CYTH3: variants seen among roughly 807,000 people sequenced by gnomAD.
The protein encoded by CYTH3 is cytohesin 3.
In CYTH3, 23 loss-of-function variants were observed where a neutral mutation model predicts 55.1. That is an observed-to-expected ratio of 0.42 (90% CI 0.30 to 0.59). The LOEUF (loss-of-function observed/expected upper bound fraction) is 0.59, where lower values mean the gene tolerates loss of function less well. Among genes scored for constraint, CYTH3 ranks in the 20% least tolerant of loss-of-function variants. CYTH3 has a pLI of 0.20. For synonymous variants in CYTH3, 249 were observed against 194.9 expected (o/e 1.28, Z -2.31); for missense variants, 413 against 524.8 (o/e 0.79, Z 2.08).
chr7:6,179,664 C>CTA (rs1783432236), intron 4 of CYTH3, among the ~76,000 whole-genome samples: 1 of 100,718 alleles, frequency 9.9e-6, no homozygotes, highest in Non-Finnish European at 2.0e-5. Flanking sequence ...CCACACACAC[C>CTA]CCACACACAC....
chr7:6,264,779 T>C (rs976815866), intron 1 of CYTH3, among the ~76,000 whole-genome samples: 3 of 152,242 alleles, frequency 2.0e-5, no homozygotes, highest in Non-Finnish European at 4.4e-5. Flanking sequence ...AAGGCTACTA[T>C]GTACCAAGCA....
At chr7:6,228,187 C>T (rs1307914715) in intron 1 of CYTH3, among the ~76,000 whole-genome samples, 1 of 152,218 alleles carries the variant, frequency 6.6e-6, no homozygotes, top group African/African-American at 2.4e-5. Flanking sequence ...GCCATTTCTG[C>T]TCACCTTTTT....
chr7:6,253,710 G>T (rs961201320), intron 1 of CYTH3, among the ~76,000 whole-genome samples: 1 of 152,120 alleles, frequency 6.6e-6, no homozygotes, highest in South Asian at 2.1e-4. Flanking sequence ...CAGCTACTGG[G>T]GAGGTTGAGG....
chr7:6,165,964 G>A (rs1782988982), intron 9 of CYTH3, among the ~76,000 whole-genome samples, 154 bp from the exon 10 acceptor site: 1 of 152,180 alleles, frequency 6.6e-6, no homozygotes, highest in African/African-American at 2.4e-5. Flanking sequence ...TCCCACCGCA[G>A]GGCCCCACAT....
intron 2 of CYTH3, among the ~76,000 whole-genome samples, chr7:6,188,009 G>C (rs2189996): frequency 0.2 from 30,705 of 151,164 alleles, 4,935 homozygotes; most frequent in African/African-American, 0.43. Context: ...AAGCACACTG[G>C]GGGGGGAATA....
At chr7:6,190,638 T>G in intron 1 of CYTH3, 107 bp from the exon 2 acceptor site, 4 of 848,072 alleles carry the variant, frequency 4.7e-6, no homozygotes, top group Non-Finnish European at 7.0e-6. Flanking sequence ...ACGCAGGTAT[T>G]TATCCTAAAG....
intron 1 of CYTH3, among the ~76,000 whole-genome samples, chr7:6,212,929 C>T (rs1238107509): frequency 6.6e-6 from 1 of 152,232 alleles, no homozygotes; most frequent in African/African-American, 2.4e-5. Context: ...CACCATTTTA[C>T]GTTCCCACCA....
At chr7:6,239,643 C>A (rs1377094518) in intron 1 of CYTH3, among the ~76,000 whole-genome samples, 1 of 152,002 alleles carries the variant, frequency 6.6e-6, no homozygotes, top group African/African-American at 2.4e-5. Context: ...AAAAACGTTT[C>A]TAAAAACAGT....
chr7:6,177,950 C>T lies in CYTH3; in HGVS notation c.250-9G>A, dbSNP rs1402363647. On this transcript the variant is annotated splice_polypyrimidine_tract_variant and intron_variant, in intron 4 of 12. Coordinates refer to ENST00000350796, the MANE Select transcript of CYTH3 (RefSeq NM_004227.4). Reference sequence around the variant, plus strand: ...ATTAGAAACTGAATTCCCTGAAGAACATTAAAATGGAAGCACTGGTTAGGA... The same window carrying T: ...ATTAGAAACTGAATTCCCTGAAGAATATTAAAATGGAAGCACTGGTTAGGA... 2.5e-6 allele frequency: 4 copies of T among 1,598,428 alleles called. No homozygotes were observed. Among genetic ancestry groups the T allele is most frequent in the South Asian group, 2.2e-5 (2 of 90,724 alleles).
intron 4 of CYTH3, among the ~76,000 whole-genome samples, chr7:6,185,663 G>A (rs968274217): frequency 2.7e-5 from 4 of 150,092 alleles, no homozygotes; most frequent in African/African-American, 5.0e-5. Flanking sequence ...TCGCACCACT[G>A]CACTCCAGCC....
intron 6 of CYTH3, chr7:6,172,023 C>G (rs1032071922): frequency 5.9e-5 from 9 of 153,120 alleles, no homozygotes; most frequent in African/African-American, 2.2e-4. Context: ...AGGAGTGAGC[C>G]CCGGAGGCAG....
At chr7:6,186,733 C>G (rs961884446) in intron 4 of CYTH3, among the ~76,000 whole-genome samples, 10 of 152,158 alleles carry the variant, frequency 6.6e-5, no homozygotes, top group Admixed American at 2.6e-4. Flanking sequence ...CGAATATGAG[C>G]CTCGACAGCA....
At chr7:6,256,457 G>C (rs1020344669) in intron 1 of CYTH3, among the ~76,000 whole-genome samples, 2 of 152,194 alleles carry the variant, frequency 1.3e-5, no homozygotes, top group Non-Finnish European at 2.9e-5. Context: ...TTTTAGCGCA[G>C]AACTTAACAA....
At chr7:6,267,030 C>T (rs778215600) in intron 1 of CYTH3, among the ~76,000 whole-genome samples, 3 of 152,188 alleles carry the variant, frequency 2.0e-5, no homozygotes, top group Non-Finnish European at 4.4e-5. Flanking sequence ...GCTGCCCTTG[C>T]AATAGTGAGT....
chr7:6,272,299 G>C (rs1276260808), intron 1 of CYTH3, among the ~76,000 whole-genome samples, 175 bp downstream of exon 1: 1 of 150,600 alleles, frequency 6.6e-6, no homozygotes, highest in Non-Finnish European at 1.5e-5. Flanking sequence ...TCGGCCCCCG[G>C]AGACCCAGCC....
intron 2 of CYTH3, 62 bp downstream of exon 2, chr7:6,190,386 AC>A: frequency 9.5e-7 from 1 of 1,053,692 alleles, no homozygotes; most frequent in Non-Finnish European, 1.2e-6. Context: ...CTACTCTTTT[AC>A]TATTTTACTC....
chr7:6,240,610 G>A (rs145530801), intron 1 of CYTH3, among the ~76,000 whole-genome samples: 85 of 152,308 alleles, frequency 5.6e-4, no homozygotes, highest in African/African-American at 1.9e-3. Context: ...AATAACTGGT[G>A]TTGGGACAAT....
In CYTH3 at chr7:6,164,085, T is replaced by C. The variant is rs1415000429; in HGVS notation, c.*859A>G. On this transcript the variant is annotated 3_prime_UTR_variant, in exon 13 of 13. Coordinates refer to ENST00000350796, the MANE Select transcript of CYTH3 (RefSeq NM_004227.4). ...AATTTTAATGATTTGCTTAAAGTAT[T>C]TGTGGGGCCAAAAAGCCTGGTTGAA... 6.6e-6 allele frequency: 1 copy of C among 152,204 alleles called. No individual in the cohort carries two copies. Among genetic ancestry groups the C allele is most frequent in the East Asian group, 1.9e-4 (1 of 5,200 alleles). 9.4% of individuals were successfully genotyped at this position (152,204 alleles called of 1,614,324 possible). A position where few individuals can be genotyped will look rare whatever the true frequency, so the allele number is the denominator to read the frequency against.
intron 1 of CYTH3, among the ~76,000 whole-genome samples, chr7:6,208,675 C>T (rs1380152929): frequency 1.3e-5 from 2 of 152,290 alleles, no homozygotes; most frequent in Admixed American, 1.3e-4. Flanking sequence ...TCCCAAGTAT[C>T]TGGGACTACA....
Sources: gnomAD v4.1 joint callset for allele counts (sites outside exome capture counted in the v4.1 genomes callset) on GRCh38, gnomAD v4.1.1 for gene constraint, MANE v1.5 for transcripts, NCBI Gene and HGNC (gene_info 2026-07-23, HGNC 2026-07-21) for gene names.